Variants in COL24A1 observed in about 807,000 individuals in gnomAD.
COL24A1 encodes the protein collagen type XXIV alpha 1 chain.
Under a neutral mutation model 253.9 loss-of-function variants are expected in COL24A1, and 224 were observed. That is an observed-to-expected ratio of 0.88 (90% CI 0.79 to 0.99). The LOEUF is 0.99. Among genes scored for constraint, COL24A1 ranks in the 50% least tolerant of loss-of-function variants. COL24A1 has a pLI of 0.00. For missense variants in COL24A1, 2,131 were observed against 2,068.5 expected, an observed-to-expected ratio of 1.03 and a Z score of -0.59; for synonymous variants, 685 against 673.7, an observed-to-expected ratio of 1.02 and a Z score of -0.26.
intron 47 of COL24A1, among the ~76,000 whole-genome samples, chr1:85,790,393 G>A (rs893356884): frequency 2.6e-5 from 4 of 152,072 alleles, no homozygotes; most frequent in Non-Finnish European, 4.4e-5. Context: ...TGGGGTTAGC[G>A]ATGATATCTC....
In COL24A1 at chr1:86,110,845, C is replaced by G. The variant is rs79178515; in HGVS notation, c.1599+1722G>C. On this transcript the variant is annotated intron_variant, in intron 5 of 59. Transcript: ENST00000370571. ...CCGCCCCCCACACCCCATGGGCTGC[C>G]GCGCGGCCCAAGCCTCCCCAGTGGG... Among the ~76,000 whole-genome samples, 6 of 151,606 alleles carry G rather than the reference C, an allele frequency of 4.0e-5. No homozygotes were observed. The South Asian group carries it at 6.3e-4, about 16-fold the overall frequency.
chr1:86,048,621 G>T (rs984533100), intron 11 of COL24A1, among the ~76,000 whole-genome samples: 1 of 151,884 alleles, frequency 6.6e-6, no homozygotes, highest in Non-Finnish European at 1.5e-5. Flanking sequence ...CTCCCAAGTA[G>T]TTGGGACTAC....
At chr1:85,865,077 CT>C (rs1193769968) in intron 37 of COL24A1, among the ~76,000 whole-genome samples, 1 of 151,802 alleles carries the variant, frequency 6.6e-6, no homozygotes, top group Non-Finnish European at 1.5e-5. Flanking sequence ...GAATTCATTA[CT>C]GATGCTTCCC....
At position 85,823,887 on chromosome 1, in the gene COL24A1, A is replaced by G. The variant is rs183660385; in HGVS notation, c.3682-149T>C. On this transcript the variant is annotated intron_variant, in intron 43 of 59. Coordinates refer to ENST00000370571, the MANE Select transcript of COL24A1 (RefSeq NM_152890.7). Reference sequence around the variant, plus strand: ...TGATTCTTCTTGGAAATAGAAAAGAACATAATAGCTGTTGGATATTATGGT... The same window carrying G: ...TGATTCTTCTTGGAAATAGAAAAGAGCATAATAGCTGTTGGATATTATGGT... The G allele has an allele frequency of 2.3e-5, 16 of 701,808 alleles. No homozygotes were observed. The East Asian group carries it at 4.2e-4, about 18-fold the overall frequency. 43.5% of individuals were successfully genotyped at this position (701,808 alleles called of 1,614,324 possible).
At chr1:85,899,161 C>G (rs1684041000) in intron 28 of COL24A1, among the ~76,000 whole-genome samples, 1 of 152,156 alleles carries the variant, frequency 6.6e-6, no homozygotes, top group African/African-American at 2.4e-5. Context: ...TTTTCTCTAG[C>G]ACCTTCAATG....
At chr1:86,126,342 CAAT>C (rs1648300751) in intron 2 of COL24A1, 128 bp from the exon 3 acceptor site, 3 of 777,246 alleles carry the variant, frequency 3.9e-6, no homozygotes, top group Admixed American at 2.9e-5. Flanking sequence ...CATGTTCTAT[CAAT>C]AACTAATTAT....
In COL24A1 at chr1:86,125,707, T is replaced by C. The variant is rs746213675; in HGVS notation, c.629A>G (p.Asn210Ser). 9 of 1,610,150 alleles carry C rather than the reference T, an allele frequency of 5.6e-6. No individual in the cohort carries two copies. In the East Asian group the frequency reaches 2.0e-4, roughly 36 times the overall value. Residue 210 changes from asparagine to serine, a missense_variant, in exon 3 of 60, where the codon AAT (asparagine) becomes AGT (serine). Asn to Ser is a conservative substitution (Grantham distance 46). Coordinates refer to ENST00000370571, the MANE Select transcript of COL24A1 (RefSeq NM_152890.7). ...NSVFTLGSMNNNSIHFEGIVC... is the reference protein window; with the variant it reads ...NSVFTLGSMNSNSIHFEGIVC... ...TATTCCTTCAAAATGGATAGAATTATTATTCATACTTCCTAAAGTAAACAC... is the reference window on the plus strand; with the variant it reads ...TATTCCTTCAAAATGGATAGAATTACTATTCATACTTCCTAAAGTAAACAC...
chr1:86,117,303 A>G (rs1157950428), intron 3 of COL24A1, among the ~76,000 whole-genome samples: 19 of 152,206 alleles, frequency 1.2e-4, no homozygotes, highest in Admixed American at 1.2e-3. Context: ...GTCCTGTAAA[A>G]GAGGCATAAG....
chr1:86,104,131 C>T (rs1393986045), intron 5 of COL24A1, among the ~76,000 whole-genome samples: 2 of 152,092 alleles, frequency 1.3e-5, no homozygotes, highest in Non-Finnish European at 2.9e-5. Context: ...TTCAGAAAGC[C>T]AGTCTTCAAG....
At chr1:86,079,756 G>A (rs1340154526) in intron 7 of COL24A1, among the ~76,000 whole-genome samples, 2 of 151,914 alleles carry the variant, frequency 1.3e-5, no homozygotes, top group East Asian at 1.9e-4. Flanking sequence ...CAGTTAAAAC[G>A]GCTTATATCC....
intron 7 of COL24A1, among the ~76,000 whole-genome samples, chr1:86,084,255 C>A (rs1017763875): frequency 2.0e-5 from 3 of 152,174 alleles, no homozygotes; most frequent in Non-Finnish European, 2.9e-5. Context: ...GGGGTAAGTT[C>A]ATAAACTTCC....
chr1:85,943,054 C>A (rs1268763337), intron 24 of COL24A1, among the ~76,000 whole-genome samples: 1 of 152,170 alleles, frequency 6.6e-6, no homozygotes, highest in Non-Finnish European at 1.5e-5. Context: ...CAGGGAGTAT[C>A]CAATCTCTCA....
intron 53 of COL24A1, among the ~76,000 whole-genome samples, chr1:85,770,807 C>T (rs758191595): frequency 1.3e-5 from 2 of 152,138 alleles, no homozygotes; most frequent in Non-Finnish European, 2.9e-5. Context: ...CACAAAAGTG[C>T]TGTGTACCTT....
intron 24 of COL24A1, among the ~76,000 whole-genome samples, chr1:85,954,726 C>A (rs1225083995): frequency 6.6e-6 from 1 of 152,032 alleles, no homozygotes; most frequent in Non-Finnish European, 1.5e-5. Context: ...AAAATTACTA[C>A]CCCCTATTAC....
At chr1:85,924,736 G>C (rs1558676604) in intron 24 of COL24A1, among the ~76,000 whole-genome samples, 1 of 152,142 alleles carries the variant, frequency 6.6e-6, no homozygotes, top group African/African-American at 2.4e-5. Context: ...CAAAAAACTG[G>C]AAGCATTCCC....
intron 24 of COL24A1, among the ~76,000 whole-genome samples, chr1:85,960,006 C>T (rs1030054744): frequency 5.9e-5 from 9 of 152,120 alleles, no homozygotes; most frequent in African/African-American, 1.7e-4. Flanking sequence ...TTGAAACTTT[C>T]CCAGAAAAAG....
In COL24A1 at chr1:86,033,908, A is replaced by C. The variant is rs2101540295; in HGVS notation, c.1966T>G (p.Phe656Val). 1 of 1,595,898 alleles carries C rather than the reference A, an allele frequency of 6.3e-7. No homozygotes were observed. The highest frequency in any genetic ancestry group is 1.1e-5 in the South Asian group (1 of 86,986). The change falls in exon 13 of 60, where the codon TTT (phenylalanine) becomes GTT (valine). Residue 656 changes from phenylalanine (F) to valine (V), a missense_variant. By Grantham distance (50) the Phe-to-Val change is conservative. Transcript: ENST00000370571. ...FKGRQGFPGD[F>V]GDRGPAGLDG... is the part of the protein sequence containing the mutation. ...AGACCAGCAGGGCCTCTGTCTCCAA[A>C]GTCACCTGGAAAACCCTGTCACAGG...
intron 53 of COL24A1, among the ~76,000 whole-genome samples, chr1:85,767,589 CAGTT>C (rs1667515440): frequency 6.6e-6 from 1 of 151,658 alleles, no homozygotes; most frequent in African/African-American, 2.4e-5. Flanking sequence ...TATCAGTTAT[CAGTT>C]ACTCAACAAT....
chr1:86,156,256 A>G, intron 1 of COL24A1, 85 bp downstream of exon 1: 1 of 1,329,398 alleles, frequency 7.5e-7, no homozygotes, highest in South Asian at 1.4e-5. Context: ...GCCGGACTTC[A>G]GATCTCCATC....
Sources: gnomAD v4.1 joint callset for allele counts (sites outside exome capture counted in the v4.1 genomes callset) on GRCh38, gnomAD v4.1.1 for gene constraint, MANE v1.5 for transcripts, NCBI Gene and HGNC (gene_info 2026-07-23, HGNC 2026-07-21) for gene names.